Variants in NFIB observed in about 807,000 individuals in gnomAD.
NFIB encodes nuclear factor 1 B-type.
A neutral mutation model predicts 61.5 loss-of-function variants in NFIB; 11 were observed. That is an observed-to-expected ratio of 0.18 (90% CI 0.11 to 0.30). The LOEUF (loss-of-function observed/expected upper bound fraction) is 0.30. NFIB is among the 10% of genes least tolerant of loss of function. The pLI is 1.00. For missense variants in NFIB, 471 were observed against 608.9 expected (o/e 0.77, Z 2.38); for synonymous variants, 260 against 216.5 (o/e 1.20, Z -1.76).
At position 14,217,660 on chromosome 9, in the gene NFIB, C is replaced by CAAAAAAAA. The variant is rs34055171; in HGVS notation, c.563-37888_563-37881dup. On this transcript the variant is annotated intron_variant, in intron 2 of 10. Transcript: ENST00000380953. ...GGGCAACAAGAGTGAAACTCCATCT[C>CAAAAAAAA]AAAAAAAAAAAAAAAAAAAAAGACA... Among the ~76,000 whole-genome samples the CAAAAAAAA allele has an allele frequency of 3.3e-3, 269 of 81,472 alleles. 7 individuals carry two copies. Among genetic ancestry groups the CAAAAAAAA allele is most frequent in the Non-Finnish European group, 4.5e-3 (198 of 43,688 alleles). 53.4% of individuals were successfully genotyped at this position (81,472 alleles called of 152,430 possible).
chr9:14,090,293 T>C (rs2118528633), intron 10 of NFIB, among the ~76,000 whole-genome samples: 1 of 152,274 alleles, frequency 6.6e-6, no homozygotes, highest in Admixed American at 6.5e-5. Flanking sequence ...ATACTTGTTA[T>C]TGAAACTTTT....
chr9:14,396,141 A>C (rs1407835), intron 1 of NFIB, among the ~76,000 whole-genome samples: 6,699 of 152,150 alleles, frequency 0.044, 494 homozygotes, highest in African/African-American at 0.15. Context: ...AGCAGCTTTT[A>C]ATGTATTTGA....
At chr9:14,295,442 C>T (rs764588955) in intron 2 of NFIB, among the ~76,000 whole-genome samples, 3 of 151,984 alleles carry the variant, frequency 2.0e-5, no homozygotes, top group South Asian at 2.1e-4. Context: ...CTGGCTAACA[C>T]TGTGAAACCC....
Position 14,155,813 on chromosome 9 carries a change from C to T in NFIB, c.685+12G>A, listed in dbSNP as rs1228302460. ...ACTGCATGCTTAAGTAGTAACAAAA[C>T]AATTTACTTACTTCTGGATACTCTT... On this transcript the variant is annotated intron_variant, in intron 4 of 10. Coordinates refer to ENST00000380953, the MANE Select transcript of NFIB (RefSeq NM_001190737.2). The T allele has an allele frequency of 2.6e-6, 4 of 1,529,230 alleles. No homozygotes were observed. Among genetic ancestry groups the T allele is most frequent in the Admixed American group, 3.8e-5 (2 of 52,200 alleles). The allele number at this position is 1,529,230 out of a possible 1,614,324, so 94.7% of individuals were successfully genotyped here.
At chr9:14,403,503 T>C (rs747342382), upstream of NFIB, among the ~76,000 whole-genome samples, 8 of 152,064 alleles carry the variant, frequency 5.3e-5, no homozygotes, top group South Asian at 4.1e-4. Flanking sequence ...AGCCAGATTC[T>C]CCCTCTCCTC....
chr9:14,373,624 C>G (rs146333953), intron 1 of NFIB, among the ~76,000 whole-genome samples: 28 of 145,112 alleles, frequency 1.9e-4, no homozygotes, highest in African/African-American at 7.0e-4. Flanking sequence ...ATTTAAAGGG[C>G]TGTGTGTGTC....
the NFIB span, among the ~76,000 whole-genome samples, chr9:14,407,147 A>T: frequency 6.6e-6 from 1 of 152,188 alleles, no homozygotes; most frequent in South Asian, 2.1e-4. Flanking sequence ...CTTGCTCGCA[A>T]CTAAAAAACC....
At chr9:14,386,985 A>G (rs1013043054) in intron 1 of NFIB, among the ~76,000 whole-genome samples, 1 of 152,234 alleles carries the variant, frequency 6.6e-6, no homozygotes, top group African/African-American at 2.4e-5. Context: ...TGAAATTTTA[A>G]GAGGAGAAAA....
chr9:14,494,923 C>T, the NFIB span, among the ~76,000 whole-genome samples: 1 of 152,186 alleles, frequency 6.6e-6, no homozygotes, highest in Non-Finnish European at 1.5e-5. Context: ...GTCACAACTG[C>T]AATACTCTTG....
intron 1 of NFIB, among the ~76,000 whole-genome samples, chr9:14,396,073 C>A (rs1052786788): frequency 6.6e-6 from 1 of 152,072 alleles, no homozygotes; most frequent in African/African-American, 2.4e-5. Context: ...GCTTTTGCAG[C>A]CGATTCCTAT....
chr9:14,412,194 A>G, the NFIB span, among the ~76,000 whole-genome samples: 1 of 152,182 alleles, frequency 6.6e-6, no homozygotes, highest in African/African-American at 2.4e-5. Context: ...ATGCAGCAAT[A>G]AAGTACTTAC....
At chr9:14,179,814 A>C (rs2046564396) in intron 2 of NFIB, 34 bp from the exon 3 acceptor site, 1 of 1,607,474 alleles carries the variant, frequency 6.2e-7, no homozygotes, top group Non-Finnish European at 8.5e-7. Flanking sequence ...TTTTCTTTTT[A>C]ATTTGTTTTG....
At chr9:14,306,555 A>G (rs2060029416) in intron 2 of NFIB, among the ~76,000 whole-genome samples, 1 of 152,212 alleles carries the variant, frequency 6.6e-6, no homozygotes, top group South Asian at 2.1e-4. Flanking sequence ...TCATTAATTA[A>G]TAAGGTTAAT....
chr9:14,350,054 G>A (rs1156683109), intron 1 of NFIB, among the ~76,000 whole-genome samples: 1 of 152,168 alleles, frequency 6.6e-6, no homozygotes, highest in Non-Finnish European at 1.5e-5. Flanking sequence ...CGCACGGGTG[G>A]GCTTTCCCCA....
chr9:14,216,536 CTCTCTCCCTCTGTG>C (rs1285993852), intron 2 of NFIB, among the ~76,000 whole-genome samples: 11 of 31,662 alleles, frequency 3.5e-4, no homozygotes, highest in African/African-American at 1.3e-3. Context: ...CTCTCTCTCT[CTCTCTCCCTCTGTG>C]TGTGTGTGTG....
At chr9:14,206,046 TTTAA>T (rs1289809117) in intron 2 of NFIB, among the ~76,000 whole-genome samples, 22 of 152,308 alleles carry the variant, frequency 1.4e-4, no homozygotes, top group Middle Eastern at 6.8e-3. Flanking sequence ...TTATCCTTTG[TTTAA>T]TTAGTTATCA....
chr9:14,401,627 G>A (rs185071446), upstream of NFIB, among the ~76,000 whole-genome samples: 26 of 152,182 alleles, frequency 1.7e-4, no homozygotes, highest in Admixed American at 4.6e-4. Context: ...TTTCTGTACC[G>A]TGGATCTAAA....
At chr9:14,133,621 A>G (rs527381245) in intron 6 of NFIB, among the ~76,000 whole-genome samples, 3 of 152,320 alleles carry the variant, frequency 2.0e-5, no homozygotes, top group African/African-American at 7.2e-5. Context: ...ATGACTGCCA[A>G]CTGAAAGCTA....
At chr9:14,366,868 A>G (rs1046011826) in intron 1 of NFIB, among the ~76,000 whole-genome samples, 1 of 152,102 alleles carries the variant, frequency 6.6e-6, no homozygotes, top group African/African-American at 2.4e-5. Flanking sequence ...TGAAATTCCA[A>G]TCTCTTGCAC....
Sources: allele counts gnomAD v4.1 joint callset (sites outside exome capture counted in the v4.1 genomes callset), GRCh38; gene constraint gnomAD v4.1.1; transcripts MANE v1.5; gene names NCBI Gene and HGNC (gene_info 2026-07-23, HGNC 2026-07-21).